The following ZNF138 variants were observed in gnomAD, a reference collection of about 807,000 sequenced individuals.
The protein encoded by ZNF138 is zinc finger protein 138 (clone pHZ-32).
A neutral mutation model predicts 33.0 loss-of-function variants in ZNF138; 33 were observed. That is an observed-to-expected ratio of 1.00 (90% confidence interval 0.76 to 1.34). The LOEUF is 1.34. ZNF138 is among the 40% of genes most tolerant of loss of function. The pLI is 0.00. For missense variants in ZNF138, 360 were observed against 370.8 expected (o/e 0.97, Z 0.24); for synonymous variants, 139 against 120.4 (o/e 1.15, Z -1.01).
At position 64,833,013 on chromosome 7, in the gene ZNF138, G is replaced by GA; in HGVS notation, c.*813dup. 1 of 435,222 alleles carries GA rather than the reference G, an allele frequency of 2.3e-6. No individual in the cohort carries two copies. 27.0% of individuals were successfully genotyped at this position (435,222 alleles called of 1,614,324 possible). A position where few individuals can be genotyped will look rare whatever the true frequency, so the allele number is the denominator to read the frequency against. The stretch of plus-strand genomic sequence containing the variant: ...TGGAGAGAAACTCTACAAATGTGAA[G>GA]AATGTGGCAAAGCTTTTAACCAAGT... On this transcript the variant is annotated 3_prime_UTR_variant, in exon 4 of 4. Coordinates refer to ENST00000307355, the MANE Select transcript of ZNF138 (RefSeq NM_001271639.2).
intron 1 of ZNF138, among the ~76,000 whole-genome samples, chr7:64,795,651 C>A (rs994438299): frequency 1.3e-5 from 2 of 150,442 alleles, no homozygotes; most frequent in African/African-American, 4.9e-5. Flanking sequence ...GACTCATCCC[C>A]TGATGCTGTA....
intron 3 of ZNF138, among the ~76,000 whole-genome samples, chr7:64,818,421 A>G (rs1361973751): frequency 1.3e-5 from 2 of 152,096 alleles, no homozygotes; most frequent in Admixed American, 6.5e-5. Context: ...TAGGAGCAGC[A>G]TATATTTAAA....
chr7:64,826,643 T>C (rs768643068), intron 3 of ZNF138, among the ~76,000 whole-genome samples: 2 of 151,314 alleles, frequency 1.3e-5, no homozygotes, highest in Non-Finnish European at 2.9e-5. Context: ...TTTTTTAAAA[T>C]TTTTTTTTAG....
chr7:64,797,196 T>G (rs1786757514), intron 1 of ZNF138, among the ~76,000 whole-genome samples: 1 of 151,938 alleles, frequency 6.6e-6, no homozygotes, highest in African/African-American at 2.4e-5. Context: ...CCAGTCATCT[T>G]GATTTCTGAG....
At position 64,832,559 on chromosome 7, in the gene ZNF138, A is replaced by C. The variant is rs1014362346; in HGVS notation, c.*357A>C. The C allele has an allele frequency of 1.7e-6, 1 of 595,956 alleles. No individual in the cohort carries two copies. Among genetic ancestry groups the C allele is most frequent in the East Asian group, 5.0e-5 (1 of 20,068 alleles). The allele number at this position is 595,956 out of a possible 1,614,324, so 36.9% of individuals were successfully genotyped here. On this transcript the variant is annotated 3_prime_UTR_variant, in exon 4 of 4. Transcript: ENST00000307355. ...CCTCAACTCTTATTACACATAAGAT[A>C]ATTCACAGTGGAGAAAAACCCTACA...
chr7:64,827,790 A>G (rs1004077654), intron 3 of ZNF138, among the ~76,000 whole-genome samples: 1 of 151,940 alleles, frequency 6.6e-6, no homozygotes, highest in African/African-American at 2.4e-5. Context: ...TTTACCTTTC[A>G]TGTTTTAATT....
At chr7:64,852,182 G>T in the ZNF138 span, among the ~76,000 whole-genome samples, 1 of 152,132 alleles carries the variant, frequency 6.6e-6, no homozygotes, top group Non-Finnish European at 1.5e-5. Flanking sequence ...CAACTCAGAA[G>T]CTGCCTCAAG....
At chr7:64,828,981 G>T (rs1789866576) in intron 3 of ZNF138, among the ~76,000 whole-genome samples, 1 of 152,018 alleles carries the variant, frequency 6.6e-6, no homozygotes, top group African/African-American at 2.4e-5. Flanking sequence ...ATGCTGAAGA[G>T]TGTGTTGTTT....
chr7:64,811,002 ATGT>A (rs1162499609), intron 1 of ZNF138, among the ~76,000 whole-genome samples: 2 of 152,124 alleles, frequency 1.3e-5, no homozygotes, highest in East Asian at 1.9e-4. Flanking sequence ...ATTCTTGGAG[ATGT>A]TGTTGCTCTG....
chr7:64,824,554 T>A (rs751604017), intron 3 of ZNF138, among the ~76,000 whole-genome samples: 9 of 152,230 alleles, frequency 5.9e-5, no homozygotes, highest in Non-Finnish European at 1.3e-4. Flanking sequence ...AATGGGGTCT[T>A]GATTTCTGCA....
At chr7:64,852,408 C>T in the ZNF138 span, 18 of 1,547,182 alleles carry the variant, frequency 1.2e-5, no homozygotes, top group South Asian at 4.6e-5. Context: ...GAGGTGGCCC[C>T]GGGTGTGGGA....
At chr7:64,860,413 T>G in the ZNF138 span, among the ~76,000 whole-genome samples, 3 of 152,204 alleles carry the variant, frequency 2.0e-5, no homozygotes, top group South Asian at 6.2e-4. Flanking sequence ...TCCATCAACA[T>G]TTTTTCTTTC....
intron 1 of ZNF138, among the ~76,000 whole-genome samples, chr7:64,806,082 T>C (rs183703784): frequency 6.6e-5 from 10 of 152,348 alleles, no homozygotes; most frequent in Middle Eastern, 3.4e-3. Flanking sequence ...AGAACTCTTT[T>C]CTTTTAATTA....
intron 1 of ZNF138, among the ~76,000 whole-genome samples, chr7:64,795,526 T>C (rs887998333): frequency 2.0e-5 from 3 of 152,220 alleles, no homozygotes; most frequent in African/African-American, 4.8e-5. Context: ...ATTTGTCCTT[T>C]AGTGTACATT....
intron 1 of ZNF138, among the ~76,000 whole-genome samples, chr7:64,808,076 G>C (rs1347407889): frequency 6.6e-6 from 1 of 152,164 alleles, no homozygotes; most frequent in African/African-American, 2.4e-5. Context: ...TAAGCAATCA[G>C]CCTAGGGTCA....
In ZNF138 at chr7:64,823,782, A is replaced by G. The variant is rs189598444; in HGVS notation, c.209-7669A>G. ...GTGAAACCTCATCTCTACTAAAAATACAAAAATTAGCTGGGCGTGGTGGCA... is the reference window on the plus strand; with the variant it reads ...GTGAAACCTCATCTCTACTAAAAATGCAAAAATTAGCTGGGCGTGGTGGCA... On this transcript the variant is annotated intron_variant, in intron 3 of 3. Coordinates refer to ENST00000307355, the MANE Select transcript of ZNF138 (RefSeq NM_001271639.2). 9.6e-4 allele frequency among the ~76,000 whole-genome samples: 146 copies of G among 152,256 alleles called. 1 individual carries two copies. Among genetic ancestry groups the G allele is most frequent in the African/African-American group, 2.9e-3 (120 of 41,566 alleles).
intron 1 of ZNF138, among the ~76,000 whole-genome samples, chr7:64,808,492 A>G (rs1787796682): frequency 6.6e-6 from 1 of 152,130 alleles, no homozygotes; most frequent in African/African-American, 2.4e-5. Context: ...AAAAAAGTGT[A>G]CTTTATTTGG....
chr7:64,823,758 T>C (rs1789355952), intron 3 of ZNF138, among the ~76,000 whole-genome samples: 1 of 152,050 alleles, frequency 6.6e-6, no homozygotes, highest in South Asian at 2.1e-4. Context: ...GCCAATATGG[T>C]GAAACCTCAT....
chr7:64,810,904 A>G (rs1015601339), intron 1 of ZNF138, among the ~76,000 whole-genome samples: 2 of 152,232 alleles, frequency 1.3e-5, no homozygotes, highest in Non-Finnish European at 2.9e-5. Context: ...AATGGAAAAA[A>G]TAAAGTATGT....
Sources: allele counts gnomAD v4.1 joint callset (sites outside exome capture counted in the v4.1 genomes callset), GRCh38; gene constraint gnomAD v4.1.1; transcripts MANE v1.5; gene names NCBI Gene and HGNC (gene_info 2026-07-23, HGNC 2026-07-21).